The following CCSER1 variants were observed in gnomAD, a reference collection of about 807,000 sequenced individuals.
The protein encoded by CCSER1 is coiled-coil serine rich protein 1.
A neutral mutation model predicts 82.0 loss-of-function variants in CCSER1; 41 were observed. The observed-to-expected ratio is 0.50, with a 90% CI of 0.39 to 0.65. The LOEUF (loss-of-function observed/expected upper bound fraction) is 0.65. CCSER1 is among the 30% of genes least tolerant of loss of function. The pLI, the probability that CCSER1 is intolerant of heterozygous loss-of-function variation, is 0.00. For missense variants in CCSER1, 1,119 were observed against 1,064.2 expected (o/e 1.05, Z -0.72); for synonymous variants, 414 against 383.9 (o/e 1.08, Z -0.92).
chr4:90,628,951 AT>A (rs1379562799), intron 6 of CCSER1, among the ~76,000 whole-genome samples: 1 of 152,148 alleles, frequency 6.6e-6, no homozygotes, highest in Non-Finnish European at 1.5e-5. Flanking sequence ...AGAGTTAGAA[AT>A]TTTAAATTAT....
intron 3 of CCSER1, among the ~76,000 whole-genome samples, chr4:90,392,578 C>T (rs1447611009): frequency 6.6e-6 from 1 of 152,028 alleles, no homozygotes; most frequent in African/African-American, 2.4e-5. Context: ...ACTAAATATT[C>T]TCCTTTGCAA....
chr4:91,436,693 C>A (rs2149399562), intron 10 of CCSER1, among the ~76,000 whole-genome samples: 1 of 152,222 alleles, frequency 6.6e-6, no homozygotes, highest in South Asian at 2.1e-4. Context: ...TTCTGCTACA[C>A]CATGTTGTCT....
rs115084968 is a variant in CCSER1 at position 91,352,309 on chromosome 4, C to T, written c.2218-246263C>T. Among the ~76,000 whole-genome samples, 744 of 152,250 alleles carry T rather than the reference C, an allele frequency of 4.9e-3. 6 individuals are homozygous for T. The highest frequency in any genetic ancestry group is 0.016 in the African/African-American group (658 of 41,574). On this transcript the variant is annotated intron_variant, in intron 10 of 10. Coordinates refer to ENST00000509176, the MANE Select transcript of CCSER1 (RefSeq NM_001145065.2). ...TCTGTCACCCAGGAGTGCAGTGGCG[C>T]GATCTCCGCTCGCTACAACCTCCAC...
chr4:91,213,225 A>C (rs543189090), intron 10 of CCSER1, among the ~76,000 whole-genome samples: 2 of 151,948 alleles, frequency 1.3e-5, no homozygotes, highest in Non-Finnish European at 2.9e-5. Flanking sequence ...GTAATGTCTC[A>C]ACTTTTGATA....
In CCSER1 at chr4:91,598,726, G is replaced by A. The variant is rs867272484; in HGVS notation, c.2372G>A (p.Ser791Asn). Residue 791 changes from serine to asparagine, a missense_variant, in exon 11 of 11, where the codon AGT becomes AAT. By Grantham distance (46) the Ser-to-Asn change is conservative (BLOSUM62 1). Transcript: ENST00000509176. ...TGTCAACTCCCAAGTCTCTGTTTAAGTAATTTCCTGAAGGACAAGGAACTA... is the reference window on the plus strand; with the variant it reads ...TGTCAACTCCCAAGTCTCTGTTTAAATAATTTCCTGAAGGACAAGGAACTA... The part of the protein sequence containing the change: ...KTCQLPSLCL[S>N]NFLKDKELAE... The A allele has an allele frequency of 3.9e-6, 6 of 1,551,488 alleles. No individual in the cohort carries two copies. Among genetic ancestry groups the A allele is most frequent in the Middle Eastern group, 1.7e-4 (1 of 5,992 alleles).
intron 5 of CCSER1, among the ~76,000 whole-genome samples, chr4:90,492,104 C>A (rs533129936): frequency 6.6e-6 from 1 of 152,242 alleles, no homozygotes; most frequent in South Asian, 2.1e-4. Context: ...GCCAGCTCCT[C>A]CTTGTACCTC....
chr4:91,123,249 GATTA>G (rs1727240194), intron 10 of CCSER1, among the ~76,000 whole-genome samples: 1 of 151,422 alleles, frequency 6.6e-6, no homozygotes. Flanking sequence ...TTTGCAGTTC[GATTA>G]GTCAGATTCA....
intron 9 of CCSER1, among the ~76,000 whole-genome samples, chr4:91,034,277 A>G (rs1409153295): frequency 6.6e-6 from 1 of 152,238 alleles, no homozygotes; most frequent in Admixed American, 6.5e-5. Flanking sequence ...ATGCACCGTC[A>G]GTTCAGGCTA....
intron 5 of CCSER1, among the ~76,000 whole-genome samples, chr4:90,513,204 G>A: frequency 6.6e-6 from 1 of 152,162 alleles, no homozygotes; most frequent in East Asian, 1.9e-4. Flanking sequence ...TACACACATG[G>A]AGTATAAATA....
At chr4:90,299,893 C>G (rs1454970234) in intron 1 of CCSER1, among the ~76,000 whole-genome samples, 1 of 151,868 alleles carries the variant, frequency 6.6e-6, no homozygotes, top group Admixed American at 6.6e-5. Context: ...TGATCAATGT[C>G]CTTTGATATG....
chr4:91,466,924 A>G (rs1278602937), intron 10 of CCSER1, among the ~76,000 whole-genome samples: 1 of 152,198 alleles, frequency 6.6e-6, no homozygotes, highest in African/African-American at 2.4e-5. Context: ...AAATGGCCAT[A>G]CTGCCCAAGG....
In CCSER1 at chr4:91,471,279, G is replaced by A. The variant is rs1757257579; in HGVS notation, c.2218-127293G>A. On this transcript the variant is annotated intron_variant, in intron 10 of 10. Transcript: ENST00000509176. ...GGATAAGAACACTATGGAGAAATTA[G>A]GAGAAAACACTATGCTATGGAAAAT... Among the ~76,000 whole-genome samples the A allele has an allele frequency of 2.0e-5, 3 of 152,224 alleles. No homozygotes were observed. In the South Asian group the frequency reaches 6.2e-4, roughly 32 times the overall value.
At chr4:91,108,153 A>G (rs1725805550) in intron 10 of CCSER1, 1 of 152,224 alleles carries the variant, frequency 6.6e-6, no homozygotes, top group Non-Finnish European at 1.5e-5. Context: ...AGTTCTCTAT[A>G]TATTACTGAT....
intron 5 of CCSER1, among the ~76,000 whole-genome samples, chr4:90,517,741 G>C (rs1772479333): frequency 6.6e-6 from 1 of 152,136 alleles, no homozygotes; most frequent in Admixed American, 6.6e-5. Flanking sequence ...GAGAAGGCTA[G>C]TTAGAGAAGA....
At chr4:91,039,673 A>C (rs1741752582) in intron 9 of CCSER1, among the ~76,000 whole-genome samples, 1 of 150,384 alleles carries the variant, frequency 6.6e-6, no homozygotes, top group Non-Finnish European at 1.5e-5. Context: ...ATTTATAATG[A>C]GTATATGTAT....
At position 91,009,445 on chromosome 4, in the gene CCSER1, G is replaced by A. The variant is rs187292278; in HGVS notation, c.2173-76505G>A. Among the ~76,000 whole-genome samples, 12 of 152,238 alleles carry A rather than the reference G, an allele frequency of 7.9e-5. 1 individual carries two copies. The East Asian group carries it at 9.7e-4, about 12-fold the overall frequency. ...GTGTGAGCTAAGTTGCAAGCCCCGCGTTTAAAGGTGGATGCAGTCACCTTC... is the reference window on the plus strand; with the variant it reads ...GTGTGAGCTAAGTTGCAAGCCCCGCATTTAAAGGTGGATGCAGTCACCTTC... On this transcript the variant is annotated intron_variant, in intron 9 of 10. Transcript: ENST00000509176.
At chr4:90,958,824 T>A in intron 9 of CCSER1, among the ~76,000 whole-genome samples, 1 of 152,152 alleles carries the variant, frequency 6.6e-6, no homozygotes, top group South Asian at 2.1e-4. Context: ...TACTTGTTGT[T>A]TAAGCCACCC....
At chr4:90,849,772 G>A (rs1763626815) in intron 8 of CCSER1, among the ~76,000 whole-genome samples, 1 of 136,930 alleles carries the variant, frequency 7.3e-6, no homozygotes, top group Admixed American at 7.7e-5. Context: ...CTGGGCAACA[G>A]TGCAAAACTC....
At chr4:91,146,718 C>G (rs1263376486) in intron 10 of CCSER1, among the ~76,000 whole-genome samples, 1 of 151,992 alleles carries the variant, frequency 6.6e-6, no homozygotes, top group Non-Finnish European at 1.5e-5. Flanking sequence ...GGCCAAGGCT[C>G]TGTATGGGTT....
Sources: allele counts gnomAD v4.1 joint callset (sites outside exome capture counted in the v4.1 genomes callset), GRCh38; gene constraint gnomAD v4.1.1; transcripts MANE v1.5; gene names NCBI Gene and HGNC (gene_info 2026-07-23, HGNC 2026-07-21).